Variants in TM9SF4 observed in about 807,000 individuals in gnomAD.
The protein encoded by TM9SF4 is dinucleotide oxidase disulfide thiol exchanger 3 superfamily member 4.
In TM9SF4, 26 loss-of-function variants were observed where a neutral mutation model predicts 90.4. The ratio of observed to expected loss-of-function variants is 0.29; its 90% confidence interval spans 0.21 to 0.40. The LOEUF (loss-of-function observed/expected upper bound fraction) is 0.40. TM9SF4 is among the 10% of genes least tolerant of loss of function. The pLI is 1.00. For synonymous variants in TM9SF4, 293 were observed against 315.4 expected, an observed-to-expected ratio of 0.93 and a Z score of 0.75; for missense variants, 549 against 834.8, an observed-to-expected ratio of 0.66 and a Z score of 4.22.
At chr20:32,124,414 A>G (rs920517194) in intron 1 of TM9SF4, among the ~76,000 whole-genome samples, 4 of 152,096 alleles carry the variant, frequency 2.6e-5, no homozygotes, top group African/African-American at 9.7e-5. Flanking sequence ...CGTGACCTCA[A>G]ACTGTCCCTA....
intron 12 of TM9SF4, among the ~76,000 whole-genome samples, chr20:32,152,708 C>T (rs1426640264): frequency 6.6e-6 from 1 of 152,180 alleles, no homozygotes; most frequent in African/African-American, 2.4e-5. Context: ...GCCTGGGCCA[C>T]ACCACCCTTT....
Position 32,115,807 on chromosome 20 carries a change from C to CTTTT in TM9SF4, c.15+6073_15+6076dup, listed in dbSNP as rs386393622. ...TAATAACAAAACCTACCACTTTAAG[C>CTTTT]TTTTTTTTTTTTTTTTTTTTTTTTG... On this transcript the variant is annotated intron_variant, in intron 1 of 17. Transcript: ENST00000398022. Among the ~76,000 whole-genome samples the CTTTT allele has an allele frequency of 5.1e-3, 485 of 95,066 alleles. 19 individuals carry two copies. The highest frequency in any genetic ancestry group is 7.9e-3 in the African/African-American group (164 of 20,710). 62.4% of individuals were successfully genotyped at this position (95,066 alleles called of 152,430 possible).
At chr20:32,132,015 G>T (rs2046522926) in intron 1 of TM9SF4, among the ~76,000 whole-genome samples, 1 of 152,214 alleles carries the variant, frequency 6.6e-6, no homozygotes, top group Non-Finnish European at 1.5e-5. Context: ...AGGGACTAGA[G>T]AAATGGGTAA....
rs1031911690 is a variant in TM9SF4 at position 32,142,028 on chromosome 20, A to T, written c.528+133A>T. ...TGCCCTGGGCATGATGGTCTGTCAG[A>T]GGTCCGAGTGCTCCGGGCAAGTCCC... On this transcript the variant is annotated intron_variant, in intron 5 of 17. Coordinates refer to ENST00000398022, the MANE Select transcript of TM9SF4 (RefSeq NM_014742.4). 6 of 1,441,426 alleles carry T rather than the reference A, an allele frequency of 4.2e-6. No homozygotes were observed. In the African/African-American group the frequency reaches 8.5e-5, roughly 20 times the overall value. The allele number at this position is 1,441,426 out of a possible 1,614,324, so 89.3% of individuals were successfully genotyped here.
rs541637870 is a variant in TM9SF4, at chr20:32,149,673, G to A, written c.994G>A (p.Gly332Ser). 9 of 1,614,078 alleles carry A rather than the reference G, an allele frequency of 5.6e-6. No individual in the cohort carries two copies. The highest frequency in any genetic ancestry group is 7.6e-6 in the Non-Finnish European group (9 of 1,180,040). Residue 332 changes from glycine to serine, a missense_variant, in exon 10 of 18, where the codon GGC becomes AGC. Physicochemically the swap from Gly to Ser is moderately conservative, Grantham distance 56. This residue lies in a region of TM9SF4 where 495 missense variants were observed against 711.7 expected (regional missense o/e 0.70). Transcript: ENST00000398022. ...GGAGTCTGGGTGGAAGTTGGTGCACGGCGACGTCTTCAGGCCCCCCCAGTA... is the reference window on the plus strand; with the variant it reads ...GGAGTCTGGGTGGAAGTTGGTGCACAGCGACGTCTTCAGGCCCCCCCAGTA... ...MEESGWKLVH[G>S]DVFRPPQYPM...
chr20:32,139,548 GC>G (rs1467392686), intron 3 of TM9SF4, among the ~76,000 whole-genome samples: 1 of 152,014 alleles, frequency 6.6e-6, no homozygotes, highest in East Asian at 1.9e-4. Flanking sequence ...TGCCATCACT[GC>G]CCCCCACCAC....
At chr20:32,161,175 A>T in intron 16 of TM9SF4, 101 bp from the exon 17 acceptor site, 1 of 901,138 alleles carries the variant, frequency 1.1e-6, no homozygotes. Flanking sequence ...CCCATATGTT[A>T]CTGCTCTTAC....
intron 3 of TM9SF4, among the ~76,000 whole-genome samples, chr20:32,138,403 C>G (rs2046624163): frequency 6.6e-6 from 1 of 152,074 alleles, no homozygotes; most frequent in Admixed American, 6.5e-5. Context: ...CCAGAGTAGG[C>G]GGATCACCTG....
chr20:32,158,832 A>G (rs1050033387), intron 15 of TM9SF4, among the ~76,000 whole-genome samples: 2 of 152,036 alleles, frequency 1.3e-5, no homozygotes, highest in Non-Finnish European at 2.9e-5. Flanking sequence ...AAATACAAAA[A>G]TTAGCCGGGC....
chr20:32,126,863 G>T (rs1243425446), intron 1 of TM9SF4, among the ~76,000 whole-genome samples: 1 of 152,084 alleles, frequency 6.6e-6, no homozygotes, highest in Non-Finnish European at 1.5e-5. Context: ...AGCCTCCCAG[G>T]TGGCTGGGAT....
intron 1 of TM9SF4, among the ~76,000 whole-genome samples, chr20:32,132,323 G>C (rs1299438216): frequency 1.3e-5 from 2 of 152,090 alleles, no homozygotes; most frequent in South Asian, 2.1e-4. Flanking sequence ...AGACTCACTT[G>C]AACTTGGGAG....
chr20:32,161,034 T>A (rs979079221), intron 16 of TM9SF4: 1 of 322,324 alleles, frequency 3.1e-6, no homozygotes, highest in African/African-American at 2.2e-5. Context: ...TATTTTTTTG[T>A]TGTTGATTTT....
At chr20:32,130,405 A>G (rs2122366081) in intron 1 of TM9SF4, among the ~76,000 whole-genome samples, 1 of 152,230 alleles carries the variant, frequency 6.6e-6, no homozygotes. Context: ...CCTTCTTTAT[A>G]TTTTGGTTAA....
intron 12 of TM9SF4, among the ~76,000 whole-genome samples, chr20:32,151,988 A>G (rs1382569998): frequency 4.7e-5 from 7 of 150,352 alleles, no homozygotes; most frequent in Non-Finnish European, 5.9e-5. Flanking sequence ...CCACCTCCCG[A>G]GTAGCTGGGA....
intron 1 of TM9SF4, among the ~76,000 whole-genome samples, chr20:32,121,791 G>A (rs1172946654): frequency 1.3e-5 from 2 of 151,216 alleles, no homozygotes; most frequent in Admixed American, 6.6e-5. Flanking sequence ...GGGCAGAGGC[G>A]CCCCTCACCT....
intron 13 of TM9SF4, 139 bp from the exon 14 acceptor site, chr20:32,157,655 T>C: frequency 1.8e-6 from 2 of 1,135,164 alleles, no homozygotes; most frequent in East Asian, 2.5e-5. Context: ...CCAGGAGCCC[T>C]GTGGTGGGGG....
In TM9SF4 at chr20:32,150,891, C is replaced by G. The variant is rs1024860245; in HGVS notation, c.1245+16C>G. 2 of 1,613,852 alleles carry G rather than the reference C, an allele frequency of 1.2e-6. No homozygotes were observed. Among genetic ancestry groups the G allele is most frequent in the Non-Finnish European group, 1.7e-6 (2 of 1,179,876 alleles). On this transcript the variant is annotated intron_variant, in intron 12 of 17. Transcript: ENST00000398022. ...AGCCTTCTGTGTGAGTGTCCTAAAC[C>G]TTCTCTTGTTTGGTGGGAAGCAGAG...
intron 1 of TM9SF4, among the ~76,000 whole-genome samples, chr20:32,114,081 A>G (rs994093738): frequency 1.5e-4 from 23 of 152,016 alleles, no homozygotes; most frequent in Non-Finnish European, 3.2e-4. Context: ...GATTGTTTTC[A>G]CTTTTTGGTT....
intron 5 of TM9SF4, 71 bp from the exon 6 acceptor site, chr20:32,142,911 C>T: frequency 6.3e-7 from 1 of 1,580,696 alleles, no homozygotes; most frequent in East Asian, 2.3e-5. Flanking sequence ...CTGGGTGAGG[C>T]AAGGGCCCTA....
Sources: gnomAD v4.1 joint callset for allele counts (sites outside exome capture counted in the v4.1 genomes callset) on GRCh38, gnomAD v4.1.1 for gene constraint, gnomAD v4.1.1 regional missense constraint, MANE v1.5 for transcripts, NCBI Gene and HGNC (gene_info 2026-07-23, HGNC 2026-07-21) for gene names.